The following PCDH11X variants were observed in gnomAD, a reference collection of about 807,000 sequenced individuals.
PCDH11X encodes protocadherin 11 X-linked, also known as protocadherin-11 X-linked.
Under a neutral mutation model 53.3 loss-of-function variants are expected in PCDH11X, and 18 were observed. The observed-to-expected ratio is 0.34, with a 90% CI of 0.23 to 0.50. PCDH11X has a LOEUF of 0.50. Among genes scored for constraint, PCDH11X ranks in the 20% least tolerant of loss-of-function variants. The pLI is 0.98. For synonymous variants in PCDH11X, 279 were observed against 393.3 expected (o/e 0.71, Z 3.44); for missense variants, 570 against 1,032.4 (o/e 0.55, Z 6.14).
chrX:92,055,761 T>G (rs1354234605), intron 6 of PCDH11X, among the ~76,000 whole-genome samples: 1 of 110,768 alleles, frequency 9.0e-6, no homozygotes, highest in African/African-American at 3.3e-5. Flanking sequence ...TGTGTCAGTG[T>G]GTTCTCATCA....
intron 5 of PCDH11X, among the ~76,000 whole-genome samples, chrX:91,859,128 CTG>C (rs1323521137): frequency 9.0e-6 from 1 of 111,228 alleles, no homozygotes; most frequent in Non-Finnish European, 1.9e-5. Flanking sequence ...TGGCCGGAAT[CTG>C]TATTTTGTGG....
At chrX:91,955,940 T>C (rs1271917985) in intron 6 of PCDH11X, among the ~76,000 whole-genome samples, 1 of 110,250 alleles carries the variant, frequency 9.1e-6, no homozygotes, top group Non-Finnish European at 1.9e-5. Flanking sequence ...AACCTGGGTG[T>C]TCCTATATTG....
intron 6 of PCDH11X, among the ~76,000 whole-genome samples, chrX:92,012,794 A>G (rs2062714902): frequency 8.9e-6 from 1 of 111,970 alleles, no homozygotes; most frequent in African/African-American, 3.2e-5. Flanking sequence ...AATAAAACGA[A>G]TATTCAAAAA....
intron 6 of PCDH11X, among the ~76,000 whole-genome samples, chrX:92,091,791 C>G (rs944753464): frequency 9.0e-6 from 1 of 111,211 alleles, no homozygotes; most frequent in African/African-American, 3.3e-5. Context: ...GCAGAGGAAG[C>G]TCTCAGATAG....
At chrX:92,336,689 CAA>C (rs2069626866) in intron 8 of PCDH11X, among the ~76,000 whole-genome samples, 2 of 111,738 alleles carry the variant, frequency 1.8e-5, no homozygotes, top group African/African-American at 3.2e-5. Flanking sequence ...TCAAAGTTTT[CAA>C]AGTTTCTAAA....
chrX:91,961,564 G>C (rs1448942167), intron 6 of PCDH11X, among the ~76,000 whole-genome samples: 2 of 107,160 alleles, frequency 1.9e-5, no homozygotes, highest in Non-Finnish European at 3.9e-5. Context: ...TAAAAACTCT[G>C]CCAAAAAAAA....
intron 10 of PCDH11X, among the ~76,000 whole-genome samples, chrX:92,507,957 C>A (rs2750871): frequency 9.2e-6 from 1 of 109,163 alleles, no homozygotes; most frequent in African/African-American, 3.3e-5. Flanking sequence ...GGATTACAGG[C>A]GCCCGCCACC....
intron 1 of PCDH11X, among the ~76,000 whole-genome samples, chrX:91,806,177 T>C (rs1274591205): frequency 1.8e-5 from 2 of 113,985 alleles, no homozygotes; most frequent in African/African-American, 6.3e-5. Flanking sequence ...AATACTCATT[T>C]TTTTCCTGTC....
At chrX:92,420,210 A>G (rs1274619948) in intron 9 of PCDH11X, among the ~76,000 whole-genome samples, 1 of 111,924 alleles carries the variant, frequency 8.9e-6, no homozygotes, top group Non-Finnish European at 1.9e-5. Flanking sequence ...CCTTTTTGTT[A>G]TAGTTGTCAT....
At chrX:92,384,932 T>C (rs1423106250) in intron 8 of PCDH11X, among the ~76,000 whole-genome samples, 4 of 98,264 alleles carry the variant, frequency 4.1e-5, no homozygotes, top group Non-Finnish European at 8.3e-5. Flanking sequence ...GTATTTGTTT[T>C]AAACTATAAA....
intron 8 of PCDH11X, among the ~76,000 whole-genome samples, chrX:92,280,658 A>C (rs982939183): frequency 5.4e-5 from 6 of 111,260 alleles, no homozygotes; most frequent in Non-Finnish European, 1.1e-4. Context: ...ATTATGTCCC[A>C]AATTAAATGA....
Position 91,983,089 on chromosome X carries a change from G to A in PCDH11X, c.3033+103816G>A, listed in dbSNP as rs112306854. ...TTGTAACCCAGCACCAGAGCAGCCCGGATGGAAGGCCCAGCAATGTCGAAA... is the reference window on the plus strand; with the variant it reads ...TTGTAACCCAGCACCAGAGCAGCCCAGATGGAAGGCCCAGCAATGTCGAAA... On this transcript the variant is annotated intron_variant, in intron 6 of 10. Transcript: ENST00000682573. The A allele has an allele frequency of 4.8e-3, 5,354 of 1,114,276 alleles. 149 individuals carry two copies. In the African/African-American group the frequency reaches 0.082, roughly 17 times the overall value. 91.8% of individuals were successfully genotyped at this position (1,114,276 alleles called of 1,213,427 possible). A position where few individuals can be genotyped will look rare whatever the true frequency, so the allele number is the denominator to read the frequency against.
intron 8 of PCDH11X, among the ~76,000 whole-genome samples, chrX:92,317,962 G>A (rs1409387552): frequency 9.0e-6 from 1 of 111,153 alleles, no homozygotes; most frequent in Non-Finnish European, 1.9e-5. Context: ...ACTGATAGTA[G>A]AAGTAGTAAC....
intron 7 of PCDH11X, among the ~76,000 whole-genome samples, chrX:92,209,630 A>C (rs2066544032): frequency 9.0e-6 from 1 of 111,635 alleles, no homozygotes; most frequent in Non-Finnish European, 1.9e-5. Flanking sequence ...GCACAGGGCA[A>C]ACTTTCAGTG....
intron 6 of PCDH11X, among the ~76,000 whole-genome samples, chrX:91,964,057 A>G (rs1259941798): frequency 9.2e-6 from 1 of 109,209 alleles, no homozygotes; most frequent in Non-Finnish European, 1.9e-5. Context: ...ACACAGCCAA[A>G]CCATATCAAG....
At chrX:91,895,029 A>G (rs949106708) in intron 6 of PCDH11X, among the ~76,000 whole-genome samples, 1 of 111,245 alleles carries the variant, frequency 9.0e-6, no homozygotes, top group African/African-American at 3.3e-5. Context: ...TGTTAATCCA[A>G]TAAGAGAAAA....
intron 6 of PCDH11X, among the ~76,000 whole-genome samples, chrX:92,068,861 T>G (rs762300122): frequency 9.0e-6 from 1 of 111,146 alleles, no homozygotes; most frequent in African/African-American, 3.3e-5. Flanking sequence ...ATTGTTTCAA[T>G]TTTTTGAATG....
intron 10 of PCDH11X, among the ~76,000 whole-genome samples, chrX:92,515,751 C>T (rs1423233484): frequency 1.8e-5 from 2 of 110,240 alleles, no homozygotes; most frequent in Non-Finnish European, 3.8e-5. Context: ...AAAAAGCTAC[C>T]CACCATATTG....
intron 8 of PCDH11X, among the ~76,000 whole-genome samples, chrX:92,323,801 C>T (rs774789266): frequency 8.1e-5 from 9 of 110,779 alleles, no homozygotes; most frequent in African/African-American, 1.6e-4. Context: ...TTAACAGTGT[C>T]GAATCCATTT....
Sources: allele counts gnomAD v4.1 joint callset (sites outside exome capture counted in the v4.1 genomes callset), GRCh38; gene constraint gnomAD v4.1.1; transcripts MANE v1.5; gene names NCBI Gene and HGNC (gene_info 2026-07-23, HGNC 2026-07-21).